Variants in EVC observed in about 807,000 individuals in gnomAD.
EVC encodes evC complex member EVC.
EVC carries 116 observed loss-of-function variants against 118.9 expected under a neutral mutation model. The observed-to-expected ratio is 0.98, with a 90% confidence interval of 0.84 to 1.14. EVC has a LOEUF of 1.14. EVC is among the 50% of genes most tolerant of loss of function. EVC has a pLI of 0.00. For synonymous variants in EVC, 619 were observed against 534.7 expected, an observed-to-expected ratio of 1.16 and a Z score of -2.18; for missense variants, 1,401 against 1,246.4, an observed-to-expected ratio of 1.12 and a Z score of -1.87.
chr4:5,805,555 C>T lies in EVC; in HGVS notation c.2561+714C>T, dbSNP rs149651618. Among the ~76,000 whole-genome samples the T allele has an allele frequency of 7.1e-3, 1,085 of 152,338 alleles. 59 individuals carry two copies. Among genetic ancestry groups the T allele is most frequent in the Admixed American group, 0.068 (1,041 of 15,298 alleles). On this transcript the variant is annotated intron_variant, in intron 17 of 20. Transcript: ENST00000264956. ...TCAGATGTGGGGCGCAGAAGCATCA[C>T]TCGGCTTTCCTGCGAAACTTGCAGG...
intron 1 of EVC, among the ~76,000 whole-genome samples, chr4:5,713,327 T>C (rs1438942998): frequency 6.6e-6 from 1 of 152,224 alleles, no homozygotes; most frequent in Non-Finnish European, 1.5e-5. Context: ...AAAATGTATG[T>C]CAGACAATAT....
intron 13 of EVC, among the ~76,000 whole-genome samples, chr4:5,795,277 C>T (rs1713732166): frequency 6.6e-6 from 1 of 152,126 alleles, no homozygotes; most frequent in Non-Finnish European, 1.5e-5. Flanking sequence ...AGTTGCCCAG[C>T]CCTTTGCAGA....
intron 18 of EVC, 119 bp downstream of exon 18, chr4:5,808,446 C>T (rs1315079545): frequency 4.0e-6 from 6 of 1,487,790 alleles, no homozygotes; most frequent in African/African-American, 1.4e-5. Flanking sequence ...CCTGTGGCAT[C>T]GTTGACCCGC....
At position 5,755,279 on chromosome 4, in the gene EVC, G is replaced by T. The variant is rs183307651; in HGVS notation, c.1465-985G>T. Among the ~76,000 whole-genome samples, 10 of 152,312 alleles carry T rather than the reference G, an allele frequency of 6.6e-5. No homozygotes were observed. The highest frequency in any genetic ancestry group is 1.3e-4 in the Non-Finnish European group (9 of 68,024). Reference sequence around the variant, plus strand: ...TCCAGAGTGTGGAGACAGTGCCTGGGTGACCTTGGTGTCCCAGGGCCTCGG... The same window carrying T: ...TCCAGAGTGTGGAGACAGTGCCTGGTTGACCTTGGTGTCCCAGGGCCTCGG... On this transcript the variant is annotated intron_variant, in intron 10 of 20. Transcript: ENST00000264956. This position sits in a 1 kb window ranked among gnomAD's most constrained non-coding sequence, Gnocchi z 4.1.
At chr4:5,822,810 C>A in the EVC span, among the ~76,000 whole-genome samples, 1 of 152,174 alleles carries the variant, frequency 6.6e-6, no homozygotes, top group Non-Finnish European at 1.5e-5. Context: ...CAACTTATCA[C>A]CAGATCCTCA....
chr4:5,748,191 T>C lies in EVC; in HGVS notation c.983T>C (p.Leu328Pro), dbSNP rs1224780540. 5.6e-6 allele frequency: 9 copies of C among 1,614,242 alleles called. No homozygotes were observed. The South Asian group carries it at 8.8e-5, about 16-fold the overall frequency. Residue 328 changes from leucine (L) to proline (P), a missense_variant, in exon 8 of 21, where the codon CTT (leucine) becomes CCT (proline). Transcript: ENST00000264956. ...CAGATGGCAAATATCCAGCACTTTC[T>C]TGTGGACCAGTTTAAGTGTTCCAGC... is the stretch of plus-strand genomic sequence containing the variant. ...WKQMANIQHF[L>P]VDQFKCSSSK... is the part of the protein sequence containing the mutation.
chr4:5,725,387 T>C (rs560968803), intron 2 of EVC, among the ~76,000 whole-genome samples: 132 of 152,310 alleles, frequency 8.7e-4, no homozygotes, highest in African/African-American at 3.0e-3. Flanking sequence ...CAGCATCTGT[T>C]GTTTCTTGAC....
In EVC at chr4:5,756,987, G is replaced by C. The variant is rs1414990691; in HGVS notation, c.1563+625G>C. ...CTGGCTATGAAGGAATCAACCAGTG[G>C]GTGTTGGGCAGCACTGGGAGGAGGA... On this transcript the variant is annotated intron_variant, in intron 11 of 20. Transcript: ENST00000264956. This position sits in a 1 kb window ranked among gnomAD's most constrained non-coding sequence, Gnocchi z 4.2. Among the ~76,000 whole-genome samples, 1 of 152,190 alleles carries C rather than the reference G, an allele frequency of 6.6e-6. No individual in the cohort carries two copies. The highest frequency in any genetic ancestry group is 1.5e-5 in the Non-Finnish European group (1 of 68,026).
At chr4:5,741,990 A>G (rs748788999) in intron 6 of EVC, among the ~76,000 whole-genome samples, 176 bp downstream of exon 6, 21 of 152,244 alleles carry the variant, frequency 1.4e-4, no homozygotes, top group Non-Finnish European at 2.6e-4. Context: ...AAAGTGTATT[A>G]TTAAAATTTG....
intron 5 of EVC, among the ~76,000 whole-genome samples, chr4:5,739,198 C>T (rs569189390): frequency 1.3e-5 from 2 of 152,242 alleles, no homozygotes; most frequent in South Asian, 4.1e-4. Context: ...GGGCTGTAAA[C>T]ATTACTGATT....
intron 17 of EVC, among the ~76,000 whole-genome samples, chr4:5,805,410 G>A (rs528851465): frequency 1.1e-4 from 17 of 152,274 alleles, no homozygotes; most frequent in Admixed American, 3.9e-4. Context: ...CCCGCCGACC[G>A]GGCTGTTCTT....
chr4:5,733,307 C>G lies in EVC; in HGVS notation c.618-44C>G, dbSNP rs1727138032. 4 of 1,530,636 alleles carry G rather than the reference C, an allele frequency of 2.6e-6. No homozygotes were observed. The African/African-American group carries it at 4.1e-5, about 16-fold the overall frequency. 94.8% of individuals were successfully genotyped at this position (1,530,636 alleles called of 1,614,324 possible). On this transcript the variant is annotated intron_variant, in intron 4 of 20. Coordinates refer to ENST00000264956, the MANE Select transcript of EVC (RefSeq NM_153717.3). ...GTGCCAATATTCTTACTCTTCATTTCCGATACCCTGAAAGTCTTTTCCGCT... is the reference window on the plus strand; with the variant it reads ...GTGCCAATATTCTTACTCTTCATTTGCGATACCCTGAAAGTCTTTTCCGCT...
At chr4:5,785,388 G>T (rs1452114103) in intron 12 of EVC, among the ~76,000 whole-genome samples, 1 of 150,834 alleles carries the variant, frequency 6.6e-6, no homozygotes, top group Non-Finnish European at 1.5e-5. Context: ...CTTTAAGTTG[G>T]GTTTGCGATT....
downstream of EVC, among the ~76,000 whole-genome samples, chr4:5,814,653 C>T (rs1030814731): frequency 5.3e-5 from 8 of 152,168 alleles, no homozygotes; most frequent in Non-Finnish European, 8.8e-5. Flanking sequence ...ATGCCCTTCC[C>T]CTTCACTCTG....
intron 5 of EVC, among the ~76,000 whole-genome samples, chr4:5,733,921 T>C (rs1377431502): frequency 6.6e-6 from 1 of 152,092 alleles, no homozygotes; most frequent in Non-Finnish European, 1.5e-5. Flanking sequence ...GGCAGAGGAT[T>C]TACCCAAAGT....
intron 1 of EVC, among the ~76,000 whole-genome samples, chr4:5,713,576 C>T (rs1213417852): frequency 6.6e-6 from 1 of 150,430 alleles, no homozygotes; most frequent in East Asian, 2.0e-4. Flanking sequence ...ACTCAGGAGG[C>T]TGAGGCAGGA....
At chr4:5,762,621 G>T (rs1249418085) in intron 11 of EVC, among the ~76,000 whole-genome samples, 2 of 149,968 alleles carry the variant, frequency 1.3e-5, no homozygotes, top group African/African-American at 4.9e-5. Context: ...GTATCTCATT[G>T]TGGTTTTGAT....
chr4:5,739,158 A>T (rs552988670), intron 5 of EVC, among the ~76,000 whole-genome samples: 2 of 152,270 alleles, frequency 1.3e-5, no homozygotes, highest in East Asian at 3.9e-4. Context: ...AACTATCTCA[A>T]AGTTGGCACT....
Position 5,743,312 on chromosome 4 carries a change from C to T in EVC, c.801+1498C>T, listed in dbSNP as rs1206105268. Among the ~76,000 whole-genome samples the T allele has an allele frequency of 6.6e-6, 1 of 152,164 alleles. No individual in the cohort carries two copies. The highest frequency in any genetic ancestry group is 2.4e-5 in the African/African-American group (1 of 41,440). Reference sequence around the variant, plus strand: ...AAAACAAGTCCTGCCAGTCTCCTACCTCACCTTATCCTCACCATCATTGTC... The same window carrying T: ...AAAACAAGTCCTGCCAGTCTCCTACTTCACCTTATCCTCACCATCATTGTC... On this transcript the variant is annotated intron_variant, in intron 6 of 20. Coordinates refer to ENST00000264956, the MANE Select transcript of EVC (RefSeq NM_153717.3). This position sits in a 1 kb window ranked among gnomAD's most constrained non-coding sequence, Gnocchi z 4.7.
Sources: allele counts gnomAD v4.1 joint callset (sites outside exome capture counted in the v4.1 genomes callset), GRCh38; gene constraint gnomAD v4.1.1; non-coding constraint Gnocchi (gnomAD v3.1); transcripts MANE v1.5; gene names NCBI Gene and HGNC (gene_info 2026-07-23, HGNC 2026-07-21).